The following LPP variants were observed in gnomAD, a reference collection of about 807,000 sequenced individuals.
LPP encodes lipoma-preferred partner.
LPP carries 38 observed loss-of-function variants against 60.4 expected under a neutral mutation model. That is an observed-to-expected ratio of 0.63 (90% CI 0.49 to 0.83). LPP has a LOEUF of 0.83. LPP is among the 40% of genes least tolerant of loss of function. The pLI is 0.00. For synonymous variants in LPP, 328 were observed against 290.8 expected, an observed-to-expected ratio of 1.13 and a Z score of -1.30; for missense variants, 902 against 783.6, an observed-to-expected ratio of 1.15 and a Z score of -1.80.
chr3:188,511,277 CCCTTCCCTCCCTT>C (rs1316351583), intron 5 of LPP, among the ~76,000 whole-genome samples: 1 of 93,002 alleles, frequency 1.1e-5, no homozygotes, highest in African/African-American at 4.3e-5. Context: ...TCCTTTCCCT[CCCTTCCCTCCCTT>C]CCTTCCCTCC....
At chr3:188,870,866 C>T (rs769061697) in intron 10 of LPP, among the ~76,000 whole-genome samples, 17 of 152,160 alleles carry the variant, frequency 1.1e-4, no homozygotes, top group Non-Finnish European at 1.8e-4. Flanking sequence ...AGCAAGAATA[C>T]AGTTTATGTC....
chr3:188,642,971 T>G (rs946590728), intron 7 of LPP, among the ~76,000 whole-genome samples: 2 of 152,076 alleles, frequency 1.3e-5, no homozygotes, highest in Admixed American at 6.6e-5. Context: ...TAATTGAGTT[T>G]TAGTTATAAA....
At chr3:188,736,020 G>A (rs886067718) in intron 8 of LPP, among the ~76,000 whole-genome samples, 6 of 152,146 alleles carry the variant, frequency 3.9e-5, no homozygotes, top group African/African-American at 1.2e-4. Context: ...AAAAATAAGA[G>A]TTGTGGCTCA....
At chr3:188,429,514 T>C (rs1222016115) in intron 4 of LPP, among the ~76,000 whole-genome samples, 1 of 152,204 alleles carries the variant, frequency 6.6e-6, no homozygotes, top group Non-Finnish European at 1.5e-5. Context: ...GCATATGTTT[T>C]ATTTATGCAT....
intron 8 of LPP, among the ~76,000 whole-genome samples, chr3:188,752,985 C>T (rs982429021): frequency 6.6e-6 from 1 of 152,160 alleles, no homozygotes; most frequent in African/African-American, 2.4e-5. Flanking sequence ...GCTGGACTGG[C>T]CCTTCCTCTT....
intron 2 of LPP, among the ~76,000 whole-genome samples, chr3:188,240,379 G>GAGAGAGAGAGACAGAGAGAGAAAGAGGTA (rs2149447657): frequency 6.6e-6 from 1 of 151,304 alleles, no homozygotes; most frequent in African/African-American, 2.4e-5. Context: ...GTGTGTGTGA[G>GAGAGAGAGAGACAGAGAGAGAAAGAGGTA]AGAGAGACAG....
intron 7 of LPP, among the ~76,000 whole-genome samples, chr3:188,632,949 T>C (rs1469933462): frequency 6.6e-6 from 1 of 152,198 alleles, no homozygotes; most frequent in African/African-American, 2.4e-5. Context: ...AGCATGGCCT[T>C]CTTTCTGAAC....
chr3:188,842,260 A>C (rs930352463), intron 9 of LPP, among the ~76,000 whole-genome samples: 1 of 152,224 alleles, frequency 6.6e-6, no homozygotes, highest in African/African-American at 2.4e-5. Flanking sequence ...TTTAATTTGC[A>C]TATCTCTGAT....
chr3:188,318,323 C>T (rs553490067), intron 2 of LPP, among the ~76,000 whole-genome samples: 37 of 151,412 alleles, frequency 2.4e-4, no homozygotes, highest in African/African-American at 8.5e-4. Context: ...GTTTCCTCAT[C>T]TGAAAAGTGT....
rs1451788569 is a variant in LPP at position 188,708,788 on chromosome 3, G to A, written c.1240+395G>A. ...CTGGAGAATCACCTGAGCCTGGGAG[G>A]TCGAGGCTGCAGTGAGCTGTGGCTC... is the stretch of plus-strand genomic sequence containing the variant. On this transcript the variant is annotated intron_variant, in intron 8 of 11. Coordinates refer to ENST00000617246, the MANE Select transcript of LPP (RefSeq NM_001375462.1). The A allele has an allele frequency of 2.7e-5, 7 of 260,756 alleles. No individual in the cohort carries two copies. The East Asian group carries it at 2.8e-4, about 10-fold the overall frequency. 16.2% of individuals were successfully genotyped at this position (260,756 alleles called of 1,614,324 possible).
chr3:188,309,753 C>T lies in LPP; in HGVS notation c.-66-31910C>T, dbSNP rs181243089. On this transcript the variant is annotated intron_variant, in intron 2 of 11. Coordinates refer to ENST00000617246, the MANE Select transcript of LPP (RefSeq NM_001375462.1). Reference sequence around the variant, plus strand: ...GTGGCTTGCTTGTTTTGAAAATGGGCTGATTTTGACAAAGGGGAAAAATCG... The same window carrying T: ...GTGGCTTGCTTGTTTTGAAAATGGGTTGATTTTGACAAAGGGGAAAAATCG... Among the ~76,000 whole-genome samples, 340 of 152,190 alleles carry T rather than the reference C, an allele frequency of 2.2e-3. 3 individuals carry two copies. In the South Asian group the frequency reaches 0.025, roughly 11 times the overall value.
intron 8 of LPP, chr3:188,710,828 A>G (rs1866485305): frequency 6.6e-6 from 1 of 152,178 alleles, no homozygotes; most frequent in Admixed American, 6.5e-5. Context: ...TGGGAAACAG[A>G]TATAAATTAT....
chr3:188,350,537 G>A (rs1765566023), intron 3 of LPP, among the ~76,000 whole-genome samples: 1 of 152,270 alleles, frequency 6.6e-6, no homozygotes, highest in South Asian at 2.1e-4. Flanking sequence ...GTGAACCCTA[G>A]ACTCTATCTG....
At chr3:188,379,694 C>A (rs1010107891) in intron 3 of LPP, among the ~76,000 whole-genome samples, 1 of 152,104 alleles carries the variant, frequency 6.6e-6, no homozygotes, top group Non-Finnish European at 1.5e-5. Flanking sequence ...CAACATCATA[C>A]AATATGTAGT....
chr3:188,407,197 A>G (rs1000730471), intron 4 of LPP, among the ~76,000 whole-genome samples: 3 of 129,910 alleles, frequency 2.3e-5, no homozygotes, highest in Admixed American at 8.0e-5. Context: ...AAAATTATTA[A>G]TATCTTACCC....
At position 188,737,887 on chromosome 3, in the gene LPP, C is replaced by G. The variant is rs1424951916; in HGVS notation, c.1241-22226C>G. On this transcript the variant is annotated intron_variant, in intron 8 of 11. Coordinates refer to ENST00000617246, the MANE Select transcript of LPP (RefSeq NM_001375462.1). Reference sequence around the variant, plus strand: ...TGCTGTTTAAATGGTCTTTAAGCAGCCTTTCCTTTCTCCTCTTTCTCAGCT... The same window carrying G: ...TGCTGTTTAAATGGTCTTTAAGCAGGCTTTCCTTTCTCCTCTTTCTCAGCT... Among the ~76,000 whole-genome samples the G allele has an allele frequency of 2.0e-5, 3 of 152,170 alleles. No individual in the cohort carries two copies. The South Asian group carries it at 6.2e-4, about 32-fold the overall frequency.
At chr3:188,270,417 C>A (rs779870761) in intron 2 of LPP, among the ~76,000 whole-genome samples, 3 of 152,072 alleles carry the variant, frequency 2.0e-5, no homozygotes, top group Non-Finnish European at 4.4e-5. Flanking sequence ...AAAGAAGAAT[C>A]TTCCTCTTCT....
rs1560347551 is a variant in LPP, at chr3:188,883,298, G to GT, written c.*8826dup. On this transcript the variant is annotated 3_prime_UTR_variant, in exon 12 of 12. Coordinates refer to ENST00000617246, the MANE Select transcript of LPP (RefSeq NM_001375462.1). ...GAGGGCCAGACATTAGAATTTGTGA[G>GT]TTTTTTTGTTGCTGGTTGTACTTTC... 4.7e-6 allele frequency: 1 copy of GT among 214,442 alleles called. No individual in the cohort carries two copies. Among genetic ancestry groups the GT allele is most frequent in the Admixed American group, 5.8e-5 (1 of 17,126 alleles). The allele number at this position is 214,442 out of a possible 1,614,324, so 13.3% of individuals were successfully genotyped here.
chr3:188,599,509 G>A (rs143524972), intron 6 of LPP, among the ~76,000 whole-genome samples: 3 of 152,202 alleles, frequency 2.0e-5, no homozygotes, highest in African/African-American at 7.2e-5. Context: ...TTTCTTCACA[G>A]TGTCATATAC....
Sources: gnomAD v4.1 joint callset for allele counts (sites outside exome capture counted in the v4.1 genomes callset) on GRCh38, gnomAD v4.1.1 for gene constraint, MANE v1.5 for transcripts, NCBI Gene and HGNC (gene_info 2026-07-23, HGNC 2026-07-21) for gene names.